The following ACSM3 variants were observed in gnomAD, a reference collection of about 807,000 sequenced individuals.
ACSM3 encodes acyl-CoA synthetase medium chain family member 3, also known as acyl-coenzyme A synthetase ACSM3, mitochondrial.
ACSM3 carries 61 observed loss-of-function variants against 74.1 expected under a neutral mutation model. That is an observed-to-expected ratio of 0.82 (90% CI 0.67 to 1.02). ACSM3 has a LOEUF of 1.02. Ranked by LOEUF, ACSM3 falls within the 50% of genes least tolerant of loss-of-function variation. The pLI is 0.00. For synonymous variants in ACSM3, 213 were observed against 241.5 expected (o/e 0.88, Z 1.09); for missense variants, 660 against 697.0 (o/e 0.95, Z 0.60).
intron 1 of ACSM3, among the ~76,000 whole-genome samples, chr16:20,695,419 T>G (rs1350809596): frequency 6.6e-6 from 1 of 152,230 alleles, no homozygotes; most frequent in Non-Finnish European, 1.5e-5. Flanking sequence ...GGGAAGCTCT[T>G]ATAGAGTAGT....
intron 1 of ACSM3, among the ~76,000 whole-genome samples, chr16:20,683,634 C>G (rs965651254): frequency 7.8e-6 from 1 of 128,676 alleles, no homozygotes; most frequent in Admixed American, 9.2e-5. Context: ...GCCCAGAGGG[C>G]TCAGCTCAAG....
chr16:20,778,553 G>A (rs1192072960), intron 4 of ACSM3, among the ~76,000 whole-genome samples: 1 of 152,152 alleles, frequency 6.6e-6, no homozygotes, highest in Non-Finnish European at 1.5e-5. Flanking sequence ...CAGCAACCTA[G>A]GTACTATAAT....
chr16:20,703,054 A>G (rs1202747010), intron 1 of ACSM3: 1 of 152,174 alleles, frequency 6.6e-6, no homozygotes, highest in African/African-American at 2.4e-5. Flanking sequence ...TCCCAGCACC[A>G]TTTATTAAAT....
Position 20,790,757 on chromosome 16 carries a change from C to T in ACSM3, c.1326+69C>T, listed in dbSNP as rs1219458385. On this transcript the variant is annotated intron_variant, in intron 10 of 13. Transcript: ENST00000289416. The surrounding 1 kb of genome is among the most constrained non-coding windows in gnomAD (Gnocchi z 4.0). Reference sequence around the variant, plus strand: ...AGTGCTTGGTAACAATCCCTGTTTGCCACAAAACATACCTAGGATAGGTAC... The same window carrying T: ...AGTGCTTGGTAACAATCCCTGTTTGTCACAAAACATACCTAGGATAGGTAC... 17 of 1,613,168 alleles carry T rather than the reference C, an allele frequency of 1.1e-5. No homozygotes were observed. Among genetic ancestry groups the T allele is most frequent in the Non-Finnish European group, 1.4e-5 (17 of 1,179,428 alleles).
chr16:20,734,835 G>A (rs1001627113), intron 1 of ACSM3: 2 of 152,228 alleles, frequency 1.3e-5, no homozygotes, highest in African/African-American at 4.8e-5. Flanking sequence ...ATCTAGGACT[G>A]TCAGACTAGG....
chr16:20,785,817 C>T (rs1386778166), intron 8 of ACSM3, among the ~76,000 whole-genome samples: 4 of 151,864 alleles, frequency 2.6e-5, no homozygotes, highest in African/African-American at 4.8e-5. Flanking sequence ...AATAGCATAA[C>T]AAGTATGCTA....
At chr16:20,680,693 A>G (rs534383832) in intron 1 of ACSM3, 1 of 152,210 alleles carries the variant, frequency 6.6e-6, no homozygotes, top group Admixed American at 6.5e-5. Flanking sequence ...GAGACTAAAA[A>G]CAAAACTCTA....
chr16:20,674,621 C>T (rs1206776322), exon 1 of ACSM3: 3 of 152,344 alleles, frequency 2.0e-5, no homozygotes, highest in Non-Finnish European at 4.4e-5. Flanking sequence ...TCTGGTGGCC[C>T]ATATGGGGAT....
intron 1 of ACSM3, among the ~76,000 whole-genome samples, chr16:20,742,811 A>G (rs1292390569): frequency 3.0e-5 from 1 of 32,998 alleles, no homozygotes; most frequent in African/African-American, 7.0e-5. Flanking sequence ...ATATATATAT[A>G]TATTTTTTTT....
chr16:20,718,129 AAAGGAG>A (rs935513693), intron 1 of ACSM3, among the ~76,000 whole-genome samples: 75 of 151,238 alleles, frequency 5.0e-4, no homozygotes, highest in South Asian at 1.1e-3. Context: ...GAAGAAAAGA[AAAGGAG>A]AAGGAGAAGG....
intron 1 of ACSM3, among the ~76,000 whole-genome samples, chr16:20,700,766 G>A (rs934302259): frequency 3.9e-5 from 6 of 152,096 alleles, no homozygotes; most frequent in Non-Finnish European, 5.9e-5. Context: ...CATTTTCTTG[G>A]TGACTTGATT....
intron 1 of ACSM3, chr16:20,721,001 A>G (rs1218369546): frequency 6.6e-6 from 1 of 152,244 alleles, no homozygotes; most frequent in Non-Finnish European, 1.5e-5. Flanking sequence ...ATTTAGTGCG[A>G]AGAAAATAAT....
chr16:20,781,459 C>A (rs1277337968), intron 6 of ACSM3, among the ~76,000 whole-genome samples: 3 of 152,036 alleles, frequency 2.0e-5, no homozygotes, highest in Non-Finnish European at 4.4e-5. Flanking sequence ...TATAAATAAT[C>A]TAGAGATGAT....
At chr16:20,683,812 C>A (rs2079498014) in intron 1 of ACSM3, among the ~76,000 whole-genome samples, 1 of 151,320 alleles carries the variant, frequency 6.6e-6, no homozygotes, top group South Asian at 2.1e-4. Flanking sequence ...TCATGATCCA[C>A]CCACCTCAGC....
intron 1 of ACSM3, among the ~76,000 whole-genome samples, chr16:20,682,752 C>T (rs2079473406): frequency 6.6e-6 from 1 of 152,178 alleles, no homozygotes; most frequent in East Asian, 1.9e-4. Flanking sequence ...AATGGGTGGA[C>T]ACTGCTTTAC....
Position 20,747,819 on chromosome 16 carries a change from T to C in ACSM3, c.-189-2091T>C, listed in dbSNP as rs145322738. ...TTGAGTAAAACACTGATATAAGAAATATAAATTTCAGGGTAGGTATAGTGT... is the reference window on the plus strand; with the variant it reads ...TTGAGTAAAACACTGATATAAGAAACATAAATTTCAGGGTAGGTATAGTGT... On this transcript the variant is annotated intron_variant, in intron 1 of 3. Transcript: ENST00000561584. Among the ~76,000 whole-genome samples the C allele has an allele frequency of 1.1e-3, 161 of 152,242 alleles. 3 individuals are homozygous for C. The highest frequency in any genetic ancestry group is 0.01 in the South Asian group (50 of 4,824).
At chr16:20,758,499 A>G (rs1166123294) in intron 3 of ACSM3, among the ~76,000 whole-genome samples, 1 of 151,408 alleles carries the variant, frequency 6.6e-6, no homozygotes, top group Non-Finnish European at 1.5e-5. Context: ...ATCATTTTTT[A>G]TTGTGTCTAT....
chr16:20,746,276 G>A (rs1253679583), intron 1 of ACSM3, among the ~76,000 whole-genome samples: 7 of 152,250 alleles, frequency 4.6e-5, no homozygotes, highest in Non-Finnish European at 8.8e-5. Context: ...CGTGAATCAT[G>A]GAAGCCTGTT....
intron 1 of ACSM3, chr16:20,720,881 TACAGATTAA>T (rs2079782856): frequency 6.6e-6 from 1 of 152,234 alleles, no homozygotes; most frequent in Admixed American, 6.5e-5. Flanking sequence ...AATGCTGACT[TACAGATTAA>T]ACATTTTTCT....
Sources: allele counts gnomAD v4.1 joint callset (sites outside exome capture counted in the v4.1 genomes callset), GRCh38; gene constraint gnomAD v4.1.1; non-coding constraint Gnocchi (gnomAD v3.1); transcripts MANE v1.5; gene names NCBI Gene and HGNC (gene_info 2026-07-23, HGNC 2026-07-21).